RAP1GAP: variants seen among roughly 807,000 people sequenced by gnomAD.
RAP1GAP encodes the protein RAP1 GTPase activating protein.
RAP1GAP carries 35 observed loss-of-function variants against 87.2 expected under a neutral mutation model. The observed-to-expected ratio is 0.40, with a 90% CI of 0.31 to 0.53. The LOEUF (loss-of-function observed/expected upper bound fraction) is 0.53, where lower values mean the gene tolerates loss of function less well. Among genes scored for constraint, RAP1GAP ranks in the 20% least tolerant of loss-of-function variants. RAP1GAP has a pLI of 0.48. For synonymous variants in RAP1GAP, 375 were observed against 363.9 expected (o/e 1.03, Z -0.35); for missense variants, 734 against 898.9 (o/e 0.82, Z 2.35).
rs974294575 is a variant in RAP1GAP at position 21,634,778 on chromosome 1, ATC to A, written c.-112-8383_-112-8382del. ...CCCATTTACCTGCTGTCTATCCAGCATCTGTCTCCCTTGCTCAGGTGGCCTGA... is the reference window on the plus strand; with the variant it reads ...CCCATTTACCTGCTGTCTATCCAGCATGTCTCCCTTGCTCAGGTGGCCTGA... On this transcript the variant is annotated intron_variant, in intron 2 of 24. Coordinates refer to ENST00000374765, the MANE Select transcript of RAP1GAP (RefSeq NM_002885.4). The surrounding 1 kb of genome is among the most constrained non-coding windows in gnomAD (Gnocchi z 4.1). 2.5e-5 allele frequency: 12 copies of A among 476,648 alleles called. No homozygotes were observed. The highest frequency in any genetic ancestry group is 3.2e-4 in the Middle Eastern group (1 of 3,088). 29.5% of individuals were successfully genotyped at this position (476,648 alleles called of 1,614,324 possible). A position where few individuals can be genotyped will look rare whatever the true frequency, so the allele number is the denominator to read the frequency against.
chr1:21,651,820 C>A (rs1383313929), intron 1 of RAP1GAP: 12 of 1,259,184 alleles, frequency 9.5e-6, no homozygotes, highest in Non-Finnish European at 1.2e-5. Flanking sequence ...TCCGGCCGCT[C>A]ATGGTGCCGC....
At chr1:21,637,655 C>T (rs901762406) in intron 2 of RAP1GAP, among the ~76,000 whole-genome samples, 38 of 151,998 alleles carry the variant, frequency 2.5e-4, no homozygotes, top group African/African-American at 8.9e-4. Context: ...AACATCTGGA[C>T]GCCACTTCAA....
In RAP1GAP at chr1:21,617,375, C is replaced by T. The variant is rs1000778903; in HGVS notation, c.222G>A (p.Ser74=). 25 of 1,600,892 alleles carry T rather than the reference C, an allele frequency of 1.6e-5. 1 individual carries two copies. Among genetic ancestry groups the T allele is most frequent in the South Asian group, 1.1e-4 (10 of 88,634 alleles). Residue 74 remains serine, a synonymous_variant, in exon 7 of 25, where the codon TCG becomes TCA. Transcript: ENST00000374765. ...TSIPETEPLQ[S]PTTKVKLECN... Reference sequence around the variant, plus strand: ...ACTCGAGCTTCACCTTGGTTGTGGGCGACTGCAGTGGCTCTGTCTCGGGGA... The same window carrying T: ...ACTCGAGCTTCACCTTGGTTGTGGGTGACTGCAGTGGCTCTGTCTCGGGGA...
At chr1:21,602,971 CA>C (rs200889930) in intron 18 of RAP1GAP, 58 bp from the exon 19 acceptor site, 1 of 1,026,774 alleles carries the variant, frequency 9.7e-7, no homozygotes, top group Non-Finnish European at 1.5e-6. Context: ...GTGCCCCCCC[CA>C]CATCCCCTCT....
intron 2 of RAP1GAP, among the ~76,000 whole-genome samples, chr1:21,630,564 T>C (rs1238967624): frequency 1.3e-5 from 2 of 151,760 alleles, no homozygotes; most frequent in East Asian, 1.9e-4. Flanking sequence ...CCTTTTGTTG[T>C]TGTTAAGAAA....
chr1:21,619,209 T>TGGCTGGGGGCCCTGGGCCTGTCTGAAG, intron 4 of RAP1GAP, 137 bp from the exon 5 acceptor site: 2 of 891,736 alleles, frequency 2.2e-6, no homozygotes, highest in Non-Finnish European at 3.4e-6. Flanking sequence ...GGGTGCTAGC[T>TGGCTGGGGGCCCTGGGCCTGTCTGAAG]GGCTGGGGGC....
intron 1 of RAP1GAP, among the ~76,000 whole-genome samples, chr1:21,667,107 A>G (rs829379): frequency 0.9 from 137,330 of 152,254 alleles, 62,032 homozygotes; most frequent in South Asian, 0.95. Context: ...TGCACAGCAC[A>G]TGCGGCTGCT....
intron 20 of RAP1GAP, among the ~76,000 whole-genome samples, chr1:21,600,991 ATGTC>A (rs1364607092): frequency 6.7e-6 from 1 of 149,084 alleles, no homozygotes; most frequent in Non-Finnish European, 1.5e-5. Flanking sequence ...CAATGTCACA[ATGTC>A]TGTCCAGGCC....
At position 21,631,945 on chromosome 1, in the gene RAP1GAP, C is replaced by T. The variant is rs532121453; in HGVS notation, c.-112-5548G>A. 2.1e-3 allele frequency among the ~76,000 whole-genome samples: 324 copies of T among 152,326 alleles called. 1 individual carries two copies. The highest frequency in any genetic ancestry group is 3.6e-3 in the Non-Finnish European group (243 of 68,032). On this transcript the variant is annotated intron_variant, in intron 2 of 24. Transcript: ENST00000374765. ...CCCATCACGGCCCTGGCTCCTGCAGCCACCGCCAAGCGCCTTCCCTAGGCC... is the reference window on the plus strand; with the variant it reads ...CCCATCACGGCCCTGGCTCCTGCAGTCACCGCCAAGCGCCTTCCCTAGGCC...
chr1:21,663,402 CAG>C (rs1553506808), intron 1 of RAP1GAP, among the ~76,000 whole-genome samples: 1 of 152,216 alleles, frequency 6.6e-6, no homozygotes, highest in Non-Finnish European at 1.5e-5. Context: ...ACCTCCAACA[CAG>C]GGGAAGACGC....
intron 2 of RAP1GAP, among the ~76,000 whole-genome samples, chr1:21,630,266 C>CT (rs199787255): frequency 0.29 from 42,121 of 145,746 alleles, 6,478 homozygotes; most frequent in East Asian, 0.51. Flanking sequence ...TTCTTTTTCC[C>CT]TTTTTTTTTT....
At chr1:21,619,496 C>T (rs919740431) in intron 4 of RAP1GAP, among the ~76,000 whole-genome samples, 1 of 151,966 alleles carries the variant, frequency 6.6e-6, no homozygotes, top group Admixed American at 6.6e-5. Flanking sequence ...CAGGAGGCAT[C>T]AAAGATCAGA....
rs909272250 is a variant in RAP1GAP, at chr1:21,598,567, TC to T, written c.1777-66del. The T allele has an allele frequency of 4.2e-5, 54 of 1,279,824 alleles. No homozygotes were observed. In the African/African-American group the frequency reaches 6.3e-4, roughly 15 times the overall value. 79.3% of individuals were successfully genotyped at this position (1,279,824 alleles called of 1,614,324 possible). On this transcript the variant is annotated intron_variant, in intron 21 of 24. Transcript: ENST00000374765. ...GCCCTTGGCACTGGCTAGGGCTCCC[TC>T]CCAGCCCCTCTCCCTCACTGCATTC...
intron 1 of RAP1GAP, among the ~76,000 whole-genome samples, chr1:21,659,482 C>T (rs1052640109): frequency 2.0e-5 from 3 of 152,158 alleles, no homozygotes; most frequent in African/African-American, 4.8e-5. Flanking sequence ...TCCCCGGCGC[C>T]AGGCGCCGCC....
At position 21,603,321 on chromosome 1, in the gene RAP1GAP, G is replaced by A. The variant is rs897957413; in HGVS notation, c.1429-408C>T. The A allele has an allele frequency of 2.3e-5, 9 of 392,026 alleles. No individual in the cohort carries two copies. Among genetic ancestry groups the A allele is most frequent in the African/African-American group, 8.2e-5 (4 of 48,888 alleles). 24.3% of individuals were successfully genotyped at this position (392,026 alleles called of 1,614,324 possible). On this transcript the variant is annotated intron_variant, in intron 18 of 24. Transcript: ENST00000374765. The surrounding 1 kb of genome is among the most constrained non-coding windows in gnomAD (Gnocchi z 6.0). ...CCCGTGCCAGCTAGGGCCCCTCCCCGGAACCTCCAAATTGGCTGGGGGAGG... is the reference window on the plus strand; with the variant it reads ...CCCGTGCCAGCTAGGGCCCCTCCCCAGAACCTCCAAATTGGCTGGGGGAGG...
At chr1:21,651,780 C>A in intron 1 of RAP1GAP, 1 of 1,440,974 alleles carries the variant, frequency 6.9e-7, no homozygotes, top group Non-Finnish European at 9.1e-7. Flanking sequence ...ACGCCCTACC[C>A]GCCGTAGGCC....
intron 2 of RAP1GAP, among the ~76,000 whole-genome samples, chr1:21,644,856 G>A (rs1165807083): frequency 6.9e-6 from 1 of 145,450 alleles, no homozygotes; most frequent in Non-Finnish European, 1.5e-5. Context: ...AACCGAGATC[G>A]CGCCACTGCA....
intron 18 of RAP1GAP, chr1:21,604,014 G>C: frequency 1.1e-6 from 1 of 904,414 alleles, no homozygotes; most frequent in African/African-American, 1.7e-5. Flanking sequence ...GGAGAGGCAG[G>C]GAAAGGAGGA....
chr1:21,626,944 G>A (rs1239301005), intron 2 of RAP1GAP: 1 of 456,608 alleles, frequency 2.2e-6, no homozygotes, highest in African/African-American at 2.0e-5. Context: ...CCACTTTACA[G>A]ACAGGACCCA....
Sources: allele counts gnomAD v4.1 joint callset (sites outside exome capture counted in the v4.1 genomes callset), GRCh38; gene constraint gnomAD v4.1.1; non-coding constraint Gnocchi (gnomAD v3.1); transcripts MANE v1.5; gene names NCBI Gene and HGNC (gene_info 2026-07-23, HGNC 2026-07-21).